The following RETREG1 variants were observed in gnomAD, a reference collection of about 807,000 sequenced individuals.
RETREG1 encodes the protein family with sequence similarity 134 member B.
Under a neutral mutation model 54.8 loss-of-function variants are expected in RETREG1, and 44 were observed. That is an observed-to-expected ratio of 0.80 (90% CI 0.63 to 1.03). The LOEUF is 1.03. Among genes scored for constraint, RETREG1 ranks in the 50% least tolerant of loss-of-function variants. The pLI, the probability that RETREG1 is intolerant of heterozygous loss-of-function variation, is 0.00. For missense variants in RETREG1, 554 were observed against 605.1 expected (o/e 0.92, Z 0.89); for synonymous variants, 217 against 238.5 (o/e 0.91, Z 0.83).
intron 1 of RETREG1, among the ~76,000 whole-genome samples, chr5:16,610,287 C>A (rs931704964): frequency 6.6e-6 from 1 of 152,186 alleles, no homozygotes; most frequent in African/African-American, 2.4e-5. Context: ...AGGGGTGCCC[C>A]TGCGTGGACA....
chr5:16,491,924 C>G (rs1193998327), intron 3 of RETREG1, among the ~76,000 whole-genome samples: 3 of 152,142 alleles, frequency 2.0e-5, no homozygotes, highest in African/African-American at 7.2e-5. Context: ...CTTTCTGGAA[C>G]TGAAAATCGG....
chr5:16,608,289 T>C (rs1743250455), intron 1 of RETREG1, among the ~76,000 whole-genome samples: 1 of 152,134 alleles, frequency 6.6e-6, no homozygotes, highest in Non-Finnish European at 1.5e-5. Context: ...TCAGATCTCA[T>C]GTGGATCCGG....
At chr5:16,489,726 T>C (rs1229795113) in intron 3 of RETREG1, among the ~76,000 whole-genome samples, 1 of 152,222 alleles carries the variant, frequency 6.6e-6, no homozygotes, top group Non-Finnish European at 1.5e-5. Flanking sequence ...AAAGTGTACA[T>C]GTGACCCAAG....
intron 3 of RETREG1, among the ~76,000 whole-genome samples, chr5:16,494,702 C>T (rs961681854): frequency 6.6e-6 from 1 of 152,170 alleles, no homozygotes; most frequent in African/African-American, 2.4e-5. Flanking sequence ...AACTCTTTTC[C>T]TTATAGATTA....
At chr5:16,573,728 T>G (rs1742247313) in intron 1 of RETREG1, among the ~76,000 whole-genome samples, 3 of 136,054 alleles carry the variant, frequency 2.2e-5, no homozygotes, top group Non-Finnish European at 3.3e-5. Flanking sequence ...GTTTTTTGGG[T>G]TTGTTTGTTT....
chr5:16,602,563 T>C (rs899977027), intron 1 of RETREG1, among the ~76,000 whole-genome samples: 1 of 152,212 alleles, frequency 6.6e-6, no homozygotes, highest in South Asian at 2.1e-4. Flanking sequence ...ACTTAGCTTA[T>C]ATATGAACAA....
At chr5:16,596,427 T>C (rs1742894991) in intron 1 of RETREG1, among the ~76,000 whole-genome samples, 1 of 152,198 alleles carries the variant, frequency 6.6e-6, no homozygotes, top group Non-Finnish European at 1.5e-5. Flanking sequence ...GAGTGGCTTT[T>C]TGGAAGCTGA....
intron 3 of RETREG1, among the ~76,000 whole-genome samples, chr5:16,489,960 G>T (rs1437213117): frequency 6.6e-6 from 1 of 152,026 alleles, no homozygotes; most frequent in Non-Finnish European, 1.5e-5. Context: ...TTACAACTCA[G>T]TTATTTTTGA....
chr5:16,498,435 A>G lies in RETREG1; in HGVS notation c.459-14963T>C, dbSNP rs928622461. On this transcript the variant is annotated intron_variant, in intron 3 of 8. Coordinates refer to ENST00000306320, the MANE Select transcript of RETREG1 (RefSeq NM_001034850.3). ...TAAAAGATTTTTAAAAAATGGGGCCAGGCACAGTAGCTCACGCCTGTAATC... is the reference window on the plus strand; with the variant it reads ...TAAAAGATTTTTAAAAAATGGGGCCGGGCACAGTAGCTCACGCCTGTAATC... 2.0e-5 allele frequency among the ~76,000 whole-genome samples: 3 copies of G among 152,252 alleles called. No individual in the cohort carries two copies. In the South Asian group the frequency reaches 6.2e-4, roughly 32 times the overall value.
Position 16,616,719 on chromosome 5 carries a change from C to T in RETREG1, c.253G>A (p.Glu85Lys). Reference sequence around the variant, plus strand: ...AGCGGCCTCTTCCAGCTCAGCAGCTCGTCGGCGCGGCAGCCCAGCCACAGC... The same window carrying T: ...AGCGGCCTCTTCCAGCTCAGCAGCTTGTCGGCGCGGCAGCCCAGCCACAGC... Reference protein sequence around the residue: ...PVLWLGCRADELLSWKRPLRS... With the variant: ...PVLWLGCRADKLLSWKRPLRS... The change falls in exon 1 of 9, where the codon GAG (glutamate) becomes AAG (lysine). Residue 85 changes from glutamate (E) to lysine (K), a missense_variant. Around this residue, in one of 4 missense-constraint regions of RETREG1, gnomAD observed 175 missense variants for 142.1 expected, o/e 1.23. Transcript: ENST00000306320. The T allele has an allele frequency of 1.3e-6, 2 of 1,586,828 alleles. No individual in the cohort carries two copies. The highest frequency in any genetic ancestry group is 1.7e-6 in the Non-Finnish European group (2 of 1,173,918).
At chr5:16,570,756 C>A (rs1395908186) in intron 2 of RETREG1, among the ~76,000 whole-genome samples, 1 of 152,144 alleles carries the variant, frequency 6.6e-6, no homozygotes, top group African/African-American at 2.4e-5. Flanking sequence ...CTCAAGGCAG[C>A]CTGGATACGT....
intron 2 of RETREG1, among the ~76,000 whole-genome samples, chr5:16,567,711 C>T (rs1464553190): frequency 6.6e-6 from 1 of 152,132 alleles, no homozygotes; most frequent in Non-Finnish European, 1.5e-5. Context: ...AATTCCAGTG[C>T]TTTGGGAGGC....
At chr5:16,490,617 AACT>A (rs35037665) in intron 3 of RETREG1, among the ~76,000 whole-genome samples, 35,146 of 152,078 alleles carry the variant, frequency 0.23, 4,944 homozygotes, top group Admixed American at 0.43. Context: ...CCTGTGAGTG[AACT>A]ACTGTTTATT....
chr5:16,519,227 C>G (rs182216406), intron 3 of RETREG1, among the ~76,000 whole-genome samples: 1 of 152,162 alleles, frequency 6.6e-6, no homozygotes, highest in Admixed American at 6.5e-5. Flanking sequence ...GAGACTTGTC[C>G]TAGATCAGCG....
intron 3 of RETREG1, chr5:16,508,552 A>T: frequency 6.3e-7 from 1 of 1,597,802 alleles, no homozygotes; most frequent in Non-Finnish European, 8.6e-7. Flanking sequence ...CTGAAGAATA[A>T]GTACGTACGT....
At chr5:16,590,885 ACG>A (rs1280016628) in intron 1 of RETREG1, among the ~76,000 whole-genome samples, 360 of 145,388 alleles carry the variant, frequency 2.5e-3, no homozygotes, top group Middle Eastern at 3.5e-3. Flanking sequence ...ATACACACAC[ACG>A]CACACACACA....
chr5:16,608,652 G>A (rs1561138530), intron 1 of RETREG1, among the ~76,000 whole-genome samples: 1 of 152,100 alleles, frequency 6.6e-6, no homozygotes, highest in Non-Finnish European at 1.5e-5. Context: ...CTGAGTTCAG[G>A]CACTGGGCTT....
In RETREG1 at chr5:16,597,218, C is replaced by A. The variant is rs148696897; in HGVS notation, c.320+19434G>T. ...GTGCCCCTGGCAAGTCACCTGACTT[C>A]TCTGTGCCTCAGTGTCATTGTGAAT... On this transcript the variant is annotated intron_variant, in intron 1 of 8. Transcript: ENST00000306320. The surrounding 1 kb of genome is among the most constrained non-coding windows in gnomAD (Gnocchi z 4.3). 2.0e-3 allele frequency among the ~76,000 whole-genome samples: 305 copies of A among 152,346 alleles called. No homozygotes were observed. The highest frequency in any genetic ancestry group is 7.2e-3 in the African/African-American group (298 of 41,592).
chr5:16,561,383 G>T lies in RETREG1; in HGVS notation c.458+4380C>A, dbSNP rs1362220356. Reference sequence around the variant, plus strand: ...ATGGTGGTGGGCACCTGTAGTCCCAGCTACTCGGGAGGCTGAGGCAGGAGA... The same window carrying T: ...ATGGTGGTGGGCACCTGTAGTCCCATCTACTCGGGAGGCTGAGGCAGGAGA... On this transcript the variant is annotated intron_variant, in intron 3 of 8. Transcript: ENST00000306320. The surrounding 1 kb of genome is among the most constrained non-coding windows in gnomAD (Gnocchi z 4.2). 6.6e-6 allele frequency among the ~76,000 whole-genome samples: 1 copy of T among 152,026 alleles called. No homozygotes were observed. Among genetic ancestry groups the T allele is most frequent in the African/African-American group, 2.4e-5 (1 of 41,388 alleles).
Sources: allele counts gnomAD v4.1 joint callset (sites outside exome capture counted in the v4.1 genomes callset), GRCh38; gene constraint gnomAD v4.1.1; regional missense constraint gnomAD v4.1.1; non-coding constraint Gnocchi (gnomAD v3.1); transcripts MANE v1.5; gene names NCBI Gene and HGNC (gene_info 2026-07-23, HGNC 2026-07-21).